Variants in PPP2R2C observed in about 807,000 individuals in gnomAD.
PPP2R2C encodes the protein protein phosphatase 2 regulatory subunit Bgamma.
PPP2R2C carries 10 observed loss-of-function variants against 45.3 expected under a neutral mutation model. The observed-to-expected ratio is 0.22, with a 90% CI of 0.14 to 0.37. The LOEUF (loss-of-function observed/expected upper bound fraction) is 0.37. Ranked by LOEUF, PPP2R2C falls within the 10% of genes least tolerant of loss-of-function variation. PPP2R2C has a pLI of 1.00. For missense variants in PPP2R2C, 308 were observed against 619.7 expected (o/e 0.50, Z 5.34); for synonymous variants, 257 against 245.4 (o/e 1.05, Z -0.44).
intron 6 of PPP2R2C, 33 bp downstream of exon 6, chr4:6,347,813 C>G: frequency 1.0e-6 from 1 of 974,524 alleles, no homozygotes; most frequent in Non-Finnish European, 1.5e-6. Flanking sequence ...CTGCCCAATG[C>G]ACAGCCCCCC....
At chr4:6,414,441 A>G (rs1220162963) in intron 1 of PPP2R2C, among the ~76,000 whole-genome samples, 1 of 152,174 alleles carries the variant, frequency 6.6e-6, no homozygotes. Context: ...GAAGTCACGC[A>G]GAAAGCAGGA....
chr4:6,376,518 T>A (rs1715316920), intron 3 of PPP2R2C, among the ~76,000 whole-genome samples: 1 of 151,864 alleles, frequency 6.6e-6, no homozygotes, highest in African/African-American at 2.4e-5. Flanking sequence ...AGTGGCACCA[T>A]CTCAGCTCAC....
chr4:6,515,805 A>G (rs2108809446), intron 2 of PPP2R2C, among the ~76,000 whole-genome samples: 1 of 152,334 alleles, frequency 6.6e-6, no homozygotes, highest in African/African-American at 2.4e-5. Context: ...CCTGGAAACC[A>G]GAAGTCCAAG....
intron 1 of PPP2R2C, among the ~76,000 whole-genome samples, chr4:6,434,555 C>T (rs967641435): frequency 9.9e-5 from 15 of 151,832 alleles, no homozygotes; most frequent in Non-Finnish European, 1.8e-4. Context: ...GATGGGGTTT[C>T]GTGATGCTGG....
intron 5 of PPP2R2C, among the ~76,000 whole-genome samples, chr4:6,353,041 C>T (rs541084782): frequency 1.4e-4 from 22 of 152,210 alleles, no homozygotes; most frequent in African/African-American, 5.1e-4. Flanking sequence ...GACAAGGAAG[C>T]CTCCTCCCCT....
At chr4:6,449,097 C>T (rs4272077) in intron 1 of PPP2R2C, among the ~76,000 whole-genome samples, 149,170 of 152,268 alleles carry the variant, frequency 0.98, 73,127 homozygotes, top group Middle Eastern at 1. Context: ...CATAGCCCCA[C>T]GCAGGCATCA....
chr4:6,378,243 G>A lies in PPP2R2C; in HGVS notation c.334+164C>T, dbSNP rs1358522132. 22 of 896,522 alleles carry A rather than the reference G, an allele frequency of 2.5e-5. 1 individual carries two copies. The highest frequency in any genetic ancestry group is 6.2e-5 in the Admixed American group (1 of 16,124). 55.5% of individuals were successfully genotyped at this position (896,522 alleles called of 1,614,324 possible). On this transcript the variant is annotated intron_variant, in intron 3 of 8. Coordinates refer to ENST00000382599, the MANE Select transcript of PPP2R2C (RefSeq NM_020416.4). This position sits in a 1 kb window ranked among gnomAD's most constrained non-coding sequence, Gnocchi z 5.2. ...CACAGGGAGCGTCTGAGGGGGTCTGGCATACTCACTCATGGGATTTATATG... is the reference window on the plus strand; with the variant it reads ...CACAGGGAGCGTCTGAGGGGGTCTGACATACTCACTCATGGGATTTATATG...
intron 1 of PPP2R2C, among the ~76,000 whole-genome samples, chr4:6,429,589 C>T (rs903113542): frequency 6.6e-6 from 1 of 152,128 alleles, no homozygotes; most frequent in Admixed American, 6.5e-5. Flanking sequence ...CCCTCAGTCT[C>T]GCCTGCTGCT....
At chr4:6,511,595 TGATGGG>T (rs1437592529) in intron 2 of PPP2R2C, among the ~76,000 whole-genome samples, 3 of 21,698 alleles carry the variant, frequency 1.4e-4, no homozygotes, top group African/African-American at 2.3e-4. Context: ...GTGGTGGTGG[TGATGGG>T]GGTGGTGGTG....
chr4:6,534,632 CAT>C (rs1196600411), intron 2 of PPP2R2C, among the ~76,000 whole-genome samples: 1 of 152,046 alleles, frequency 6.6e-6, no homozygotes, highest in East Asian at 1.9e-4. Flanking sequence ...TGAACACACA[CAT>C]ATCAACACAC....
chr4:6,539,702 G>T (rs1323719023), intron 1 of PPP2R2C, among the ~76,000 whole-genome samples: 1 of 152,226 alleles, frequency 6.6e-6, no homozygotes, highest in Non-Finnish European at 1.5e-5. Context: ...GGAAATGGAA[G>T]AATCAGATCT....
At chr4:6,377,844 C>T (rs372037492) in intron 3 of PPP2R2C, among the ~76,000 whole-genome samples, 9 of 152,044 alleles carry the variant, frequency 5.9e-5, no homozygotes, top group East Asian at 5.8e-4. Flanking sequence ...GGCGTCAGGC[C>T]GAGAGCCTCC....
intron 2 of PPP2R2C, among the ~76,000 whole-genome samples, chr4:6,479,613 A>G (rs1722280369): frequency 6.6e-6 from 1 of 152,212 alleles, no homozygotes; most frequent in African/African-American, 2.4e-5. Context: ...ATTTGGAAGT[A>G]AAGGAAAATA....
In PPP2R2C at chr4:6,323,010, A is replaced by G. The variant is rs1423394487; in HGVS notation, c.*292T>C. 3.4e-6 allele frequency: 1 copy of G among 290,992 alleles called. No individual in the cohort carries two copies. The highest frequency in any genetic ancestry group is 6.3e-6 in the Non-Finnish European group (1 of 157,708). 18.0% of individuals were successfully genotyped at this position (290,992 alleles called of 1,614,324 possible). ...CGAGACAGGAAGGGACGTGAATGAA[A>G]GAACCCTGAACTGTAAGACTCCACA... is the stretch of plus-strand genomic sequence containing the variant. On this transcript the variant is annotated 3_prime_UTR_variant, in exon 9 of 9. Coordinates refer to ENST00000382599, the MANE Select transcript of PPP2R2C (RefSeq NM_020416.4).
At position 6,329,492 on chromosome 4, in the gene PPP2R2C, C is replaced by A; in HGVS notation, c.961-139G>T. 1.4e-6 allele frequency: 1 copy of A among 721,828 alleles called. No individual in the cohort carries two copies. Among genetic ancestry groups the A allele is most frequent in the East Asian group, 2.7e-5 (1 of 37,144 alleles). The allele number at this position is 721,828 out of a possible 1,614,324, so 44.7% of individuals were successfully genotyped here. A position where few individuals can be genotyped will look rare whatever the true frequency, so the allele number is the denominator to read the frequency against. On this transcript the variant is annotated intron_variant, in intron 7 of 8. Transcript: ENST00000382599. The surrounding 1 kb of genome is among the most constrained non-coding windows in gnomAD (Gnocchi z 5.8). ...CAGACCTGCTCATCTCAGCGAGGGT[C>A]TGAATGCTCTGACACAGCCCGACAC...
intron 1 of PPP2R2C, among the ~76,000 whole-genome samples, chr4:6,464,208 T>C (rs928389873): frequency 3.3e-5 from 5 of 152,202 alleles, no homozygotes; most frequent in African/African-American, 1.2e-4. Flanking sequence ...ACATAGCCAA[T>C]AAATGGTGAA....
intron 1 of PPP2R2C, chr4:6,381,718 T>A: frequency 6.4e-7 from 1 of 1,574,790 alleles, no homozygotes; most frequent in Non-Finnish European, 8.6e-7. Context: ...CTGCACTTCA[T>A]CCCAACCATG....
At chr4:6,414,032 C>T in intron 1 of PPP2R2C, 1 of 1,510,264 alleles carries the variant, frequency 6.6e-7, no homozygotes, top group East Asian at 2.5e-5. Flanking sequence ...TGGCCCAAAT[C>T]TAGAGAATTA....
At chr4:6,355,256 G>A (rs56324336) in intron 5 of PPP2R2C, among the ~76,000 whole-genome samples, 40,034 of 151,822 alleles carry the variant, frequency 0.26, 5,536 homozygotes, top group Non-Finnish European at 0.3. Context: ...GGCTCAGGGG[G>A]CAGGAGGTTG....
Sources: gnomAD v4.1 joint callset for allele counts (sites outside exome capture counted in the v4.1 genomes callset) on GRCh38, gnomAD v4.1.1 for gene constraint, Gnocchi (gnomAD v3.1) non-coding constraint, MANE v1.5 for transcripts, NCBI Gene and HGNC (gene_info 2026-07-23, HGNC 2026-07-21) for gene names.